The following PI4KA variants were observed in gnomAD, a reference collection of about 807,000 sequenced individuals.
PI4KA encodes the protein PI4-kinase alpha.
In PI4KA, 122 loss-of-function variants were observed where a neutral mutation model predicts 271.4. The observed-to-expected ratio is 0.45, with a 90% CI of 0.39 to 0.52. PI4KA has a LOEUF of 0.52. PI4KA is among the 20% of genes least tolerant of loss of function. PI4KA has a pLI of 0.00. For missense variants in PI4KA, 1,969 were observed against 2,769.1 expected, an observed-to-expected ratio of 0.71 and a Z score of 6.48; for synonymous variants, 1,041 against 1,078.8, an observed-to-expected ratio of 0.96 and a Z score of 0.69.
chr22:20,721,304 T>G lies in PI4KA; in HGVS notation c.5110A>C (p.Lys1704Gln), dbSNP rs759993882. Residue 1704 changes from lysine to glutamine, a missense_variant, in exon 43 of 55, where the codon AAA (lysine) becomes CAA (glutamine). Lys to Gln is a moderately conservative substitution (Grantham distance 53). This residue lies in a region of PI4KA where 388 missense variants were observed against 521.5 expected (regional missense o/e 0.74). Transcript: ENST00000255882. Reference sequence around the variant, plus strand: ...GGGAGGACAAAATACTCACGGTCTTTCTGGTGGCCCTCTTCATCTAGATAA... The same window carrying G: ...GGGAGGACAAAATACTCACGGTCTTGCTGGTGGCCCTCTTCATCTAGATAA... The part of the protein sequence containing the change: ...NIYLDEEGHQ[K>Q]DPDIGDLLDQ... The G allele has an allele frequency of 1.2e-6, 2 of 1,614,036 alleles. No homozygotes were observed. The highest frequency in any genetic ancestry group is 1.7e-6 in the Non-Finnish European group (2 of 1,179,998).
chr22:20,816,319 G>A (rs954730474), intron 7 of PI4KA, among the ~76,000 whole-genome samples: 8 of 152,006 alleles, frequency 5.3e-5, no homozygotes, highest in Non-Finnish European at 1.0e-4. Context: ...TAGTTTTTAA[G>A]GGTCTCACTA....
rs35646566 is a variant in PI4KA, at chr22:20,779,735, G to A, written c.2328+13458C>T. 41,159 of 1,614,204 alleles carry A rather than the reference G, an allele frequency of 0.025. 610 individuals are homozygous for A. Among genetic ancestry groups the A allele is most frequent in the Middle Eastern group, 0.03 (184 of 6,062 alleles). Reference sequence around the variant, plus strand: ...TCGCTTTCAACCTCTACCGAGTGCTGAAAGACCAGGTCAACACTTTCGATA... The same window carrying A: ...TCGCTTTCAACCTCTACCGAGTGCTAAAAGACCAGGTCAACACTTTCGATA... On this transcript the variant is annotated intron_variant, in intron 19 of 54. Transcript: ENST00000255882.
At chr22:20,744,494 C>T in intron 30 of PI4KA, 134 bp downstream of exon 30, 1 of 627,696 alleles carries the variant, frequency 1.6e-6, no homozygotes, top group Non-Finnish European at 2.8e-6. Context: ...AAAATGTGCT[C>T]TTTAAATCCT....
chr22:20,734,754 C>A, intron 32 of PI4KA: 1 of 800,514 alleles, frequency 1.2e-6, no homozygotes. Flanking sequence ...TTTTCTCCAG[C>A]CTCTCGAGGC....
At chr22:20,720,903 CT>C (rs1335102218) in intron 43 of PI4KA, among the ~76,000 whole-genome samples, 4 of 152,262 alleles carry the variant, frequency 2.6e-5, no homozygotes, top group Non-Finnish European at 4.4e-5. Context: ...AAACAGCGCT[CT>C]TTGAGGACCT....
rs540620194 is a variant in PI4KA at position 20,789,949 on chromosome 22, T to G, written c.2328+3244A>C. On this transcript the variant is annotated intron_variant, in intron 19 of 54. Coordinates refer to ENST00000255882, the MANE Select transcript of PI4KA (RefSeq NM_058004.4). ...TGACTGGTGACACAAGTAAACTTGC[T>G]CTCAGTGAAATACATGAATGTTTTT... Among the ~76,000 whole-genome samples, 374 of 152,352 alleles carry G rather than the reference T, an allele frequency of 2.5e-3. 1 individual carries two copies. Among genetic ancestry groups the G allele is most frequent in the African/African-American group, 8.6e-3 (357 of 41,572 alleles).
chr22:20,852,676 T>C (rs1202181060), intron 1 of PI4KA, among the ~76,000 whole-genome samples: 1 of 152,190 alleles, frequency 6.6e-6, no homozygotes, highest in Non-Finnish European at 1.5e-5. Flanking sequence ...CGGATGGCTC[T>C]TCTTAACATA....
intron 19 of PI4KA, chr22:20,780,253 G>C (rs764949902): frequency 1.2e-6 from 2 of 1,612,590 alleles, no homozygotes; most frequent in Non-Finnish European, 8.5e-7. Flanking sequence ...TACTATTTTT[G>C]TATGTGGGTA....
intron 27 of PI4KA, among the ~76,000 whole-genome samples, chr22:20,750,767 C>G (rs1019322294): frequency 6.6e-6 from 1 of 152,178 alleles, no homozygotes; most frequent in Admixed American, 6.5e-5. Context: ...GAGCTGTGAG[C>G]TGAGTTGCAG....
intron 19 of PI4KA, among the ~76,000 whole-genome samples, chr22:20,781,297 T>A (rs1249571563): frequency 2.6e-5 from 4 of 152,028 alleles, no homozygotes; most frequent in Non-Finnish European, 5.9e-5. Flanking sequence ...AAGCTGAGAG[T>A]GTGGAAGGGG....
chr22:20,730,498 C>T (rs1927898386), intron 36 of PI4KA, among the ~76,000 whole-genome samples: 1 of 152,086 alleles, frequency 6.6e-6, no homozygotes. Context: ...TGGTCTCAAA[C>T]TCCTGACCTC....
intron 17 of PI4KA, among the ~76,000 whole-genome samples, chr22:20,796,636 C>T (rs1468723398): frequency 3.3e-5 from 5 of 152,256 alleles, no homozygotes; most frequent in African/African-American, 1.2e-4. Context: ...TCCCTCAGGG[C>T]TGAAAATGAA....
At chr22:20,718,097 G>A (rs2540535) in intron 44 of PI4KA, among the ~76,000 whole-genome samples, 2 of 152,112 alleles carry the variant, frequency 1.3e-5, no homozygotes, top group African/African-American at 4.8e-5. Context: ...CCTTCATCTC[G>A]TGGGTTAGAA....
intron 30 of PI4KA, chr22:20,743,058 G>A (rs1929652525): frequency 2.4e-6 from 1 of 420,280 alleles, no homozygotes; most frequent in East Asian, 4.2e-5. Context: ...GTGAGCCCGG[G>A]GTCTGACCCA....
At chr22:20,855,235 A>G (rs960064342) in intron 1 of PI4KA, among the ~76,000 whole-genome samples, 1 of 151,642 alleles carries the variant, frequency 6.6e-6, no homozygotes, top group Non-Finnish European at 1.5e-5. Flanking sequence ...GGAATGTAGT[A>G]AAACACATAT....
intron 10 of PI4KA, among the ~76,000 whole-genome samples, 168 bp downstream of exon 10, chr22:20,807,194 T>C (rs1282896362): frequency 1.3e-5 from 2 of 152,204 alleles, no homozygotes; most frequent in Non-Finnish European, 2.9e-5. Context: ...GACAGATTTT[T>C]TAAATTTGCT....
chr22:20,744,908 A>G (rs1929885502), intron 29 of PI4KA, among the ~76,000 whole-genome samples, 188 bp from the exon 30 acceptor site: 1 of 152,206 alleles, frequency 6.6e-6, no homozygotes, highest in Non-Finnish European at 1.5e-5. Context: ...GATATGTTCC[A>G]TAAGAAATTA....
Position 20,820,604 on chromosome 22 carries a change from T to A in PI4KA, c.464A>T (p.Glu155Val). 6.2e-7 allele frequency: 1 copy of A among 1,604,634 alleles called. No homozygotes were observed. The highest frequency in any genetic ancestry group is 8.5e-7 in the Non-Finnish European group (1 of 1,174,014). The change falls in exon 5 of 55, where the codon GAG becomes GTG. Residue 155 changes from glutamate (E) to valine (V), a missense_variant. Physicochemically the swap from Glu to Val is moderately radical, Grantham distance 121. Around this residue, in one of 13 missense-constraint regions of PI4KA, gnomAD observed 540 missense variants for 555.5 expected, o/e 0.97. Transcript: ENST00000255882. Reference protein sequence around the residue: ...RDPSLRDEILEVLLQVLHVLL... With the variant: ...RDPSLRDEILVVLLQVLHVLL... The stretch of plus-strand genomic sequence containing the variant: ...GACATGCAAAACCTGCAAAAGCACC[T>A]CTAAAATCTGTAACAGTCAAGGAAA...
intron 1 of PI4KA, among the ~76,000 whole-genome samples, chr22:20,856,031 C>T (rs1014722753): frequency 2.0e-5 from 3 of 152,270 alleles, no homozygotes; most frequent in Middle Eastern, 3.4e-3. Flanking sequence ...CCTGTAATCC[C>T]GGCACTTTGG....
Sources: allele counts gnomAD v4.1 joint callset (sites outside exome capture counted in the v4.1 genomes callset), GRCh38; gene constraint gnomAD v4.1.1; regional missense constraint gnomAD v4.1.1; transcripts MANE v1.5; gene names NCBI Gene and HGNC (gene_info 2026-07-23, HGNC 2026-07-21).